PIEZO2: variants seen among roughly 807,000 people sequenced by gnomAD.
PIEZO2 encodes the protein piezo-type mechanosensitive ion channel component 2.
PIEZO2 carries 172 observed loss-of-function variants against 337.3 expected under a neutral mutation model. The observed-to-expected ratio is 0.51, with a 90% confidence interval of 0.45 to 0.58. The LOEUF (loss-of-function observed/expected upper bound fraction) is 0.58. PIEZO2 is among the 20% of genes least tolerant of loss of function. The pLI is 0.00. For synonymous variants in PIEZO2, 1,251 were observed against 1,228.5 expected, an observed-to-expected ratio of 1.02 and a Z score of -0.38; for missense variants, 3,028 against 3,391.3, an observed-to-expected ratio of 0.89 and a Z score of 2.66.
At position 11,038,069 on chromosome 18, in the gene PIEZO2, G is replaced by A. The variant is rs927936910; in HGVS notation, c.160+28058C>T. 6.6e-6 allele frequency among the ~76,000 whole-genome samples: 1 copy of A among 152,174 alleles called. No individual in the cohort carries two copies. Among genetic ancestry groups the A allele is most frequent in the African/African-American group, 2.4e-5 (1 of 41,440 alleles). ...AGTAGGTGAGATGTAAGATAAGAAG[G>A]AGGAAGTCACACTTGTTTTTCATTG... is the stretch of plus-strand genomic sequence containing the variant. On this transcript the variant is annotated intron_variant, in intron 2 of 55. Transcript: ENST00000674853. This position sits in a 1 kb window ranked among gnomAD's most constrained non-coding sequence, Gnocchi z 4.1.
chr18:11,009,242 C>A lies in PIEZO2; in HGVS notation c.161-29582G>T, dbSNP rs764341254. 2.0e-5 allele frequency among the ~76,000 whole-genome samples: 3 copies of A among 152,216 alleles called. No individual in the cohort carries two copies. The highest frequency in any genetic ancestry group is 2.9e-5 in the Non-Finnish European group (2 of 68,040). Reference sequence around the variant, plus strand: ...TTATTAAATAATTTTCAATGAATTGCTGAGTCTCTGAAGAGTGCTGGGCTT... The same window carrying A: ...TTATTAAATAATTTTCAATGAATTGATGAGTCTCTGAAGAGTGCTGGGCTT... On this transcript the variant is annotated intron_variant, in intron 2 of 55. Transcript: ENST00000674853. The surrounding 1 kb of genome is among the most constrained non-coding windows in gnomAD (Gnocchi z 4.6).
In PIEZO2 at chr18:10,746,557, C is replaced by A. The variant is rs944433820; in HGVS notation, c.4424+1914G>T. 1.3e-5 allele frequency among the ~76,000 whole-genome samples: 2 copies of A among 152,220 alleles called. No homozygotes were observed. Among genetic ancestry groups the A allele is most frequent in the African/African-American group, 4.8e-5 (2 of 41,448 alleles). On this transcript the variant is annotated intron_variant, in intron 30 of 55. Transcript: ENST00000674853. The surrounding 1 kb of genome is among the most constrained non-coding windows in gnomAD (Gnocchi z 4.2). ...GCTCCCGGAGTGTCTCCTACCATCA[C>A]ACCTGCTGTCGTCTGAATGTCTGCA...
intron 3 of PIEZO2, among the ~76,000 whole-genome samples, chr18:10,914,103 T>C (rs2030719316): frequency 6.6e-6 from 1 of 152,174 alleles, no homozygotes; most frequent in South Asian, 2.1e-4. Context: ...GCTGGGGAAT[T>C]CTTTTAAAGC....
chr18:11,011,354 C>G (rs1176635186), intron 2 of PIEZO2, among the ~76,000 whole-genome samples: 1 of 152,124 alleles, frequency 6.6e-6, no homozygotes, highest in African/African-American at 2.4e-5. Flanking sequence ...TCAAACTAGT[C>G]TCTCTTTGTA....
intron 1 of PIEZO2, among the ~76,000 whole-genome samples, chr18:11,086,184 C>T (rs145693116): frequency 9.2e-5 from 14 of 152,154 alleles, no homozygotes; most frequent in African/African-American, 3.1e-4. Flanking sequence ...CTTTTTAAAA[C>T]GGTGTCTTAT....
At chr18:10,994,120 C>T (rs1367331280) in intron 2 of PIEZO2, among the ~76,000 whole-genome samples, 1 of 152,180 alleles carries the variant, frequency 6.6e-6, no homozygotes, top group African/African-American at 2.4e-5. Context: ...GTTTTCCATT[C>T]CTAAATTACT....
intron 3 of PIEZO2, among the ~76,000 whole-genome samples, chr18:10,975,499 G>T (rs1357292508): frequency 6.6e-6 from 1 of 152,136 alleles, no homozygotes; most frequent in Non-Finnish European, 1.5e-5. Flanking sequence ...AGGCAGAAGG[G>T]AGTGTTGTTA....
At position 11,116,392 on chromosome 18, in the gene PIEZO2, G is replaced by A. The variant is rs2039888058; in HGVS notation, c.64+32133C>T. ...GTGAAAATGCACCTCGACAATGCTT[G>A]GGTGATCTGTTTCTTGGGTGTGAAA... On this transcript the variant is annotated intron_variant, in intron 1 of 55. Transcript: ENST00000674853. The surrounding 1 kb of genome is among the most constrained non-coding windows in gnomAD (Gnocchi z 5.0). 6.6e-6 allele frequency among the ~76,000 whole-genome samples: 1 copy of A among 152,090 alleles called. No homozygotes were observed. Among genetic ancestry groups the A allele is most frequent in the Admixed American group, 6.6e-5 (1 of 15,262 alleles).
chr18:11,051,845 C>T (rs138179497), intron 2 of PIEZO2, among the ~76,000 whole-genome samples: 413 of 152,292 alleles, frequency 2.7e-3, no homozygotes, highest in Non-Finnish European at 5.3e-3. Context: ...AATTTATGAC[C>T]TGGTGCATGA....
chr18:10,808,666 C>T (rs899599014), intron 7 of PIEZO2, among the ~76,000 whole-genome samples: 2 of 152,098 alleles, frequency 1.3e-5, no homozygotes, highest in African/African-American at 4.8e-5. Flanking sequence ...AAGTTCCAGA[C>T]AGATTTATTT....
At chr18:10,679,854 A>G (rs2034183828) in intron 52 of PIEZO2, among the ~76,000 whole-genome samples, 1 of 152,220 alleles carries the variant, frequency 6.6e-6, no homozygotes, top group Admixed American at 6.5e-5. Flanking sequence ...TGTTTCACCA[A>G]TTGTACATTA....
Position 10,784,599 on chromosome 18 carries a change from T to C in PIEZO2, c.2492+185A>G, listed in dbSNP as rs1009270889. Among the ~76,000 whole-genome samples the C allele has an allele frequency of 2.6e-5, 4 of 152,230 alleles. No homozygotes were observed. The highest frequency in any genetic ancestry group is 5.9e-5 in the Non-Finnish European group (4 of 68,042). The stretch of plus-strand genomic sequence containing the variant: ...TTAACCAGTCATAAGTCACTACCCA[T>C]TGTTTCAGAACGTGTCACAGAATCT... On this transcript the variant is annotated intron_variant, in intron 17 of 55. Transcript: ENST00000674853. The surrounding 1 kb of genome is among the most constrained non-coding windows in gnomAD (Gnocchi z 4.5).
chr18:11,022,159 C>T (rs571172894), intron 2 of PIEZO2, among the ~76,000 whole-genome samples: 2 of 152,290 alleles, frequency 1.3e-5, no homozygotes, highest in African/African-American at 4.8e-5. Context: ...GCCGGCATGC[C>T]ATGGTCCCTA....
chr18:10,702,002 C>A lies in PIEZO2; in HGVS notation c.6428G>T (p.Arg2143Leu). Residue 2143 changes from arginine (R) to leucine (L), a missense_variant, in exon 43 of 56, where the codon CGA (arginine) becomes CTA (leucine). Transcript: ENST00000674853. Reference sequence around the variant, plus strand: ...AACATGCAGTACCTTCAAAATTGATCGATGAAAGAACAGAGCCAGGAGCTG... The same window carrying A: ...AACATGCAGTACCTTCAAAATTGATAGATGAAAGAACAGAGCCAGGAGCTG... ...LIQLLALFFHRSILKCHGLWD... is the reference protein window; with the variant it reads ...LIQLLALFFHLSILKCHGLWD... The A allele has an allele frequency of 6.6e-7, 1 of 1,525,576 alleles. No homozygotes were observed. 94.5% of individuals were successfully genotyped at this position (1,525,576 alleles called of 1,614,324 possible). A position where few individuals can be genotyped will look rare whatever the true frequency, so the allele number is the denominator to read the frequency against.
At chr18:10,688,997 G>A (rs1284100551) in intron 49 of PIEZO2, among the ~76,000 whole-genome samples, 2 of 152,166 alleles carry the variant, frequency 1.3e-5, no homozygotes, top group Non-Finnish European at 2.9e-5. Flanking sequence ...AATTCCCAGG[G>A]AAAGCTGCAG....
intron 49 of PIEZO2, among the ~76,000 whole-genome samples, chr18:10,684,152 C>T (rs2034417154): frequency 2.0e-5 from 2 of 100,220 alleles, no homozygotes; most frequent in Admixed American, 3.3e-4. Context: ...CTCTGTCTTT[C>T]CTCTTTTTTT....
At chr18:10,734,495 G>A (rs2036917883) in intron 35 of PIEZO2, among the ~76,000 whole-genome samples, 1 of 152,318 alleles carries the variant, frequency 6.6e-6, no homozygotes, top group South Asian at 2.1e-4. Context: ...AACAGGTGAG[G>A]GACATACAGA....
intron 7 of PIEZO2, among the ~76,000 whole-genome samples, chr18:10,818,243 A>C (rs2040421179): frequency 6.6e-6 from 1 of 152,214 alleles, no homozygotes; most frequent in Non-Finnish European, 1.5e-5. Context: ...TACTTAGATT[A>C]CTACTCCATG....
intron 2 of PIEZO2, among the ~76,000 whole-genome samples, chr18:11,037,945 C>T (rs1448812991): frequency 6.6e-6 from 1 of 152,178 alleles, no homozygotes; most frequent in Non-Finnish European, 1.5e-5. Flanking sequence ...ATATCAAAAA[C>T]ACTTCTGGAC....
Sources: allele counts gnomAD v4.1 joint callset (sites outside exome capture counted in the v4.1 genomes callset), GRCh38; gene constraint gnomAD v4.1.1; non-coding constraint Gnocchi (gnomAD v3.1); transcripts MANE v1.5; gene names NCBI Gene and HGNC (gene_info 2026-07-23, HGNC 2026-07-21).